The following MEF2C variants were observed in gnomAD, a reference collection of about 807,000 sequenced individuals.
The protein encoded by MEF2C is myocyte enhancer factor 2C, also known as myocyte-specific enhancer factor 2C.
In MEF2C, 6 loss-of-function variants were observed where a neutral mutation model predicts 50.5. The observed-to-expected ratio is 0.12, with a 90% CI of 0.07 to 0.23. MEF2C has a LOEUF of 0.23. Among genes scored for constraint, MEF2C ranks in the 10% least tolerant of loss-of-function variants. The pLI, the probability that MEF2C is intolerant of heterozygous loss-of-function variation, is 1.00. For missense variants in MEF2C, 276 were observed against 605.0 expected (o/e 0.46, Z 5.70); for synonymous variants, 183 against 228.0 (o/e 0.80, Z 1.78).
intron 1 of MEF2C, among the ~76,000 whole-genome samples, chr5:88,896,944 T>TACACACACACACACAC (rs58754057): frequency 3.3e-5 from 5 of 150,492 alleles, no homozygotes; most frequent in African/African-American, 1.2e-4. Context: ...TCAGTAAAGC[T>TACACACACACACACAC]ACACACACAC....
At chr5:88,841,877 C>T (rs913647797) in intron 1 of MEF2C, among the ~76,000 whole-genome samples, 9 of 152,116 alleles carry the variant, frequency 5.9e-5, no homozygotes, top group Admixed American at 1.3e-4. Context: ...AAATGGGCTA[C>T]GTTTTATTTT....
intron 3 of MEF2C, 65 bp from the exon 4 acceptor site, chr5:88,761,393 A>C (rs1045859964): frequency 2.4e-5 from 37 of 1,536,776 alleles, no homozygotes; most frequent in Non-Finnish European, 3.1e-5. Flanking sequence ...CAGGGGCATT[A>C]AAGAAGTTCA....
At chr5:88,877,762 G>A (rs1034090766) in intron 1 of MEF2C, among the ~76,000 whole-genome samples, 2 of 151,790 alleles carry the variant, frequency 1.3e-5, no homozygotes, top group Non-Finnish European at 2.9e-5. Context: ...GTTATTTCAC[G>A]CATGAATGTT....
intron 1 of MEF2C, among the ~76,000 whole-genome samples, chr5:88,848,136 A>G (rs1347919310): frequency 1.3e-5 from 2 of 152,184 alleles, no homozygotes; most frequent in African/African-American, 2.4e-5. Flanking sequence ...TTTAATTGTC[A>G]TAACTTTTAA....
Position 88,823,888 on chromosome 5 carries a change from G to C in MEF2C, c.-100C>G. ...TCCTCCAAACAAATCTCCTTCTTCAGCACTTGCACAGCTCAGTTCCCAAAT... is the reference window on the plus strand; with the variant it reads ...TCCTCCAAACAAATCTCCTTCTTCACCACTTGCACAGCTCAGTTCCCAAAT... On this transcript the variant is annotated 5_prime_UTR_variant, in exon 2 of 11. Transcript: ENST00000504921. The C allele has an allele frequency of 6.4e-7, 1 of 1,564,534 alleles. No individual in the cohort carries two copies. The highest frequency in any genetic ancestry group is 8.6e-7 in the Non-Finnish European group (1 of 1,156,798).
At chr5:88,847,729 G>A (rs908396225) in intron 1 of MEF2C, among the ~76,000 whole-genome samples, 2 of 151,826 alleles carry the variant, frequency 1.3e-5, no homozygotes, top group African/African-American at 4.8e-5. Context: ...AAAAGGGAGA[G>A]AGAATAATCC....
chr5:88,788,546 C>A (rs1263852368), intron 3 of MEF2C, among the ~76,000 whole-genome samples: 2 of 152,104 alleles, frequency 1.3e-5, no homozygotes, highest in South Asian at 2.1e-4. Context: ...ACACTAGATG[C>A]ACCAGTTTCG....
intron 3 of MEF2C, among the ~76,000 whole-genome samples, chr5:88,767,588 G>A (rs1016947499): frequency 9.9e-5 from 15 of 152,084 alleles, no homozygotes; most frequent in African/African-American, 3.6e-4. Context: ...TATTTCTCTA[G>A]GTTATTTATT....
At chr5:88,730,440 C>T (rs1561688899) in intron 7 of MEF2C, among the ~76,000 whole-genome samples, 1 of 152,104 alleles carries the variant, frequency 6.6e-6, no homozygotes, top group Non-Finnish European at 1.5e-5. Context: ...AGACAATCTA[C>T]CCGGTTTTCA....
intron 1 of MEF2C, among the ~76,000 whole-genome samples, chr5:88,895,781 A>G (rs955143695): frequency 4.6e-5 from 7 of 151,644 alleles, no homozygotes; most frequent in African/African-American, 1.7e-4. Flanking sequence ...TGCGACCTAC[A>G]AAGTCCTTTC....
chr5:88,786,121 G>A (rs528544578), intron 3 of MEF2C, among the ~76,000 whole-genome samples: 2 of 151,810 alleles, frequency 1.3e-5, no homozygotes, highest in East Asian at 3.9e-4. Flanking sequence ...TAAAAAAAAA[G>A]CACACACACA....
At chr5:88,863,828 T>C (rs1300348069) in intron 1 of MEF2C, among the ~76,000 whole-genome samples, 7 of 151,266 alleles carry the variant, frequency 4.6e-5, no homozygotes, top group Non-Finnish European at 1.0e-4. Flanking sequence ...CTTTTTCTTT[T>C]TTTTTTTTTT....
chr5:88,743,013 C>T, intron 6 of MEF2C: 1 of 974,126 alleles, frequency 1.0e-6, no homozygotes, highest in Non-Finnish European at 1.2e-6. Context: ...GGGTGAACTC[C>T]CAAGGTAAAA....
At chr5:88,844,508 T>A in intron 1 of MEF2C, 1 of 206,822 alleles carries the variant, frequency 4.8e-6, no homozygotes, top group Non-Finnish European at 8.5e-6. Context: ...GAAGTTTATT[T>A]CTTATTAGAT....
At chr5:88,764,442 G>C (rs932894892) in intron 3 of MEF2C, among the ~76,000 whole-genome samples, 3 of 152,156 alleles carry the variant, frequency 2.0e-5, no homozygotes, top group South Asian at 4.1e-4. Flanking sequence ...CCACCCGTGT[G>C]AAGTGATGAG....
At chr5:88,736,098 T>C in intron 6 of MEF2C, 1 of 985,366 alleles carries the variant, frequency 1.0e-6, no homozygotes. Context: ...CATCTCCATA[T>C]CCAATGAGAT....
intron 6 of MEF2C, chr5:88,737,095 T>G: frequency 1.0e-6 from 1 of 984,976 alleles, no homozygotes; most frequent in African/African-American, 1.7e-5. Flanking sequence ...AAATTAAGAA[T>G]TATTCAGGAA....
chr5:88,894,535 C>T (rs1305586247), intron 1 of MEF2C, among the ~76,000 whole-genome samples: 1 of 152,190 alleles, frequency 6.6e-6, no homozygotes, highest in African/African-American at 2.4e-5. Flanking sequence ...AGTCTTAAAA[C>T]TGGCCTGATT....
chr5:88,890,651 T>C (rs902156573), intron 1 of MEF2C, among the ~76,000 whole-genome samples: 3 of 152,102 alleles, frequency 2.0e-5, no homozygotes, highest in Non-Finnish European at 2.9e-5. Flanking sequence ...TCAAAATGAA[T>C]GCTGGTTAAA....
Sources: allele counts gnomAD v4.1 joint callset (sites outside exome capture counted in the v4.1 genomes callset), GRCh38; gene constraint gnomAD v4.1.1; transcripts MANE v1.5; gene names NCBI Gene and HGNC (gene_info 2026-07-23, HGNC 2026-07-21).